Variants in ROBO2 observed in about 807,000 individuals in gnomAD.
ROBO2 encodes roundabout guidance receptor 2.
In ROBO2, 53 loss-of-function variants were observed where a neutral mutation model predicts 160.8. The observed-to-expected ratio is 0.33, with a 90% confidence interval of 0.26 to 0.41. ROBO2 has a LOEUF of 0.41. Among genes scored for constraint, ROBO2 ranks in the 10% least tolerant of loss-of-function variants. ROBO2 has a pLI of 1.00. For synonymous variants in ROBO2, 664 were observed against 611.7 expected (o/e 1.09, Z -1.26); for missense variants, 1,577 against 1,722.4 (o/e 0.92, Z 1.49).
chr3:77,261,856 C>T (rs1338113109), intron 2 of ROBO2, among the ~76,000 whole-genome samples: 1 of 150,866 alleles, frequency 6.6e-6, no homozygotes, highest in Admixed American at 6.7e-5. Flanking sequence ...CAGCCTCAAA[C>T]CCCTGGGCTC....
At chr3:77,494,759 T>C (rs2086578202) in intron 5 of ROBO2, among the ~76,000 whole-genome samples, 2 of 149,526 alleles carry the variant, frequency 1.3e-5, no homozygotes, top group African/African-American at 4.9e-5. Context: ...CTAGATATGA[T>C]TGGATACTTT....
At position 76,389,139 on chromosome 3, in the gene ROBO2, T is replaced by C. The variant is rs188535263; in HGVS notation, c.109+451537T>C. On this transcript the variant is annotated intron_variant, in intron 2 of 26. Coordinates refer to the ROBO2 transcript ENST00000487694. ...CATTCAGCTTTTGTACCTTATACAT[T>C]GATTTTGGGTATGCAGGTCAGTGCA... Among the ~76,000 whole-genome samples the C allele has an allele frequency of 2.6e-3, 401 of 152,374 alleles. 2 individuals carry two copies. The highest frequency in any genetic ancestry group is 6.8e-3 in the Middle Eastern group (2 of 294).
At chr3:77,512,341 AC>A (rs1444410364) in intron 5 of ROBO2, among the ~76,000 whole-genome samples, 18 of 152,000 alleles carry the variant, frequency 1.2e-4, no homozygotes, top group Non-Finnish European at 1.9e-4. Context: ...AAATTGAGCA[AC>A]TTTTCCTATT....
intron 2 of ROBO2, among the ~76,000 whole-genome samples, chr3:76,818,858 G>C (rs2065896268): frequency 6.6e-6 from 1 of 151,986 alleles, no homozygotes; most frequent in African/African-American, 2.4e-5. Context: ...TGGTAACTAT[G>C]GCCTTACAGT....
intron 23 of ROBO2, among the ~76,000 whole-genome samples, chr3:77,627,411 C>T (rs1400481490): frequency 3.9e-5 from 6 of 151,972 alleles, no homozygotes; most frequent in South Asian, 4.2e-4. Flanking sequence ...TCCTGAGTAG[C>T]TGGGATTGCA....
In ROBO2 at chr3:75,967,141, C is replaced by G. The variant is rs144182701; in HGVS notation, c.109+29539C>G. On this transcript the variant is annotated intron_variant, in intron 2 of 26. Transcript: ENST00000487694. Reference sequence around the variant, plus strand: ...TCTTTTAAGGAGTACACCAATATAACTATTTAAACTTGGAACTATTAAGCT... The same window carrying G: ...TCTTTTAAGGAGTACACCAATATAAGTATTTAAACTTGGAACTATTAAGCT... Among the ~76,000 whole-genome samples, 92 of 151,720 alleles carry G rather than the reference C, an allele frequency of 6.1e-4. 1 individual carries two copies. The highest frequency in any genetic ancestry group is 2.2e-3 in the African/African-American group (90 of 41,486).
chr3:76,577,345 G>A (rs938077727), intron 2 of ROBO2, among the ~76,000 whole-genome samples: 2 of 151,418 alleles, frequency 1.3e-5, no homozygotes, highest in African/African-American at 4.9e-5. Context: ...TAATAAATTG[G>A]GAAACATAAT....
intron 18 of ROBO2, among the ~76,000 whole-genome samples, chr3:77,596,297 T>G (rs999066220): frequency 2.0e-5 from 3 of 152,176 alleles, no homozygotes; most frequent in Non-Finnish European, 4.4e-5. Context: ...GCAGTCACTT[T>G]GAGCAGTTGT....
intron 2 of ROBO2, among the ~76,000 whole-genome samples, chr3:76,379,994 TG>T (rs2076537291): frequency 6.6e-6 from 1 of 152,144 alleles, no homozygotes; most frequent in Non-Finnish European, 1.5e-5. Context: ...ATTTCTGGGC[TG>T]TGTAGATAGT....
At chr3:76,555,360 GAA>G (rs1369104935) in intron 2 of ROBO2, among the ~76,000 whole-genome samples, 1 of 26,862 alleles carries the variant, frequency 3.7e-5, no homozygotes, top group Non-Finnish European at 1.0e-4. Context: ...TAGGAAGAGA[GAA>G]GAAGAAGAAG....
chr3:76,727,138 G>GC (rs11409349), intron 2 of ROBO2, among the ~76,000 whole-genome samples: 85,710 of 151,842 alleles, frequency 0.56, 25,330 homozygotes, highest in Non-Finnish European at 0.66. Context: ...AATATAACAT[G>GC]CAGTATTTGT....
chr3:76,417,687 T>A (rs2075811181), intron 2 of ROBO2, among the ~76,000 whole-genome samples: 1 of 152,024 alleles, frequency 6.6e-6, no homozygotes, highest in African/African-American at 2.4e-5. Flanking sequence ...GCAATAGAAT[T>A]TCCAAATAAA....
intron 1 of ROBO2, among the ~76,000 whole-genome samples, chr3:77,060,273 A>T (rs2066167481): frequency 6.6e-6 from 1 of 152,142 alleles, no homozygotes; most frequent in Admixed American, 6.5e-5. Flanking sequence ...ATTCCAGCTC[A>T]TGGCATTTCA....
chr3:76,510,700 G>T (rs1272159817), intron 2 of ROBO2, among the ~76,000 whole-genome samples: 1 of 152,058 alleles, frequency 6.6e-6, no homozygotes, highest in East Asian at 1.9e-4. Context: ...TCCAGCCTGG[G>T]CAACAGAGCA....
chr3:76,098,147 C>G (rs925340201), intron 2 of ROBO2, among the ~76,000 whole-genome samples: 1 of 152,044 alleles, frequency 6.6e-6, no homozygotes, highest in African/African-American at 2.4e-5. Flanking sequence ...CATTTGATTC[C>G]TTATAAATAT....
At chr3:76,916,966 G>C (rs2148965690) in intron 2 of ROBO2, among the ~76,000 whole-genome samples, 1 of 152,066 alleles carries the variant, frequency 6.6e-6, no homozygotes, top group Non-Finnish European at 1.5e-5. Context: ...CTAACCAACT[G>C]TCAGCCCATC....
chr3:77,227,413 G>T (rs1186047404), intron 2 of ROBO2, among the ~76,000 whole-genome samples: 1 of 152,026 alleles, frequency 6.6e-6, no homozygotes, highest in Non-Finnish European at 1.5e-5. Flanking sequence ...AAATGAATTT[G>T]AACAAGATAT....
At chr3:76,925,469 T>C in intron 2 of ROBO2, among the ~76,000 whole-genome samples, 1 of 152,146 alleles carries the variant, frequency 6.6e-6, no homozygotes, top group East Asian at 1.9e-4. Flanking sequence ...AATATCAAGA[T>C]AGTAACTGTC....
intron 2 of ROBO2, among the ~76,000 whole-genome samples, chr3:76,666,680 A>C: frequency 1.3e-5 from 2 of 152,196 alleles, no homozygotes; most frequent in Admixed American, 1.3e-4. Flanking sequence ...TCCCACCATC[A>C]AAACCTTCCT....
Sources: gnomAD v4.1 joint callset for allele counts (sites outside exome capture counted in the v4.1 genomes callset) on GRCh38, gnomAD v4.1.1 for gene constraint, MANE v1.5 for transcripts, NCBI Gene and HGNC (gene_info 2026-07-23, HGNC 2026-07-21) for gene names.